CTNND2: variants seen among roughly 807,000 people sequenced by gnomAD.
The protein encoded by CTNND2 is catenin delta-2.
CTNND2 carries 22 observed loss-of-function variants against 144.4 expected under a neutral mutation model. The ratio of observed to expected loss-of-function variants is 0.15; its 90% CI spans 0.11 to 0.22. The LOEUF (loss-of-function observed/expected upper bound fraction) is 0.22, where lower values mean the gene tolerates loss of function less well. Ranked by LOEUF, CTNND2 falls within the 10% of genes least tolerant of loss-of-function variation. The probability of loss-of-function intolerance (pLI) is 1.00; values close to 1 mark genes in which losing one functional copy is unlikely to be tolerated. For missense variants in CTNND2, 1,353 were observed against 1,618.8 expected (o/e 0.84, Z 2.82); for synonymous variants, 751 against 695.6 (o/e 1.08, Z -1.25).
intron 2 of CTNND2, among the ~76,000 whole-genome samples, chr5:11,619,563 C>CA (rs1780738450): frequency 1.3e-5 from 2 of 152,110 alleles, no homozygotes; most frequent in Non-Finnish European, 2.9e-5. Context: ...ACAGGAGTCT[C>CA]TGTTGATCAG....
intron 3 of CTNND2, among the ~76,000 whole-genome samples, chr5:11,542,435 G>C (rs13186510): frequency 0.15 from 22,267 of 152,044 alleles, 2,019 homozygotes; most frequent in East Asian, 0.28. Context: ...GATGACTAGA[G>C]CAGCCAACAT....
At chr5:11,648,743 G>A (rs1279680849) in intron 2 of CTNND2, among the ~76,000 whole-genome samples, 1 of 152,068 alleles carries the variant, frequency 6.6e-6, no homozygotes, top group Non-Finnish European at 1.5e-5. Flanking sequence ...AGAGCCAGCT[G>A]CCTAGATCCA....
chr5:11,086,114 C>T (rs549463461), intron 15 of CTNND2, among the ~76,000 whole-genome samples: 20 of 152,140 alleles, frequency 1.3e-4, no homozygotes, highest in Admixed American at 1.0e-3. Flanking sequence ...CCCAGGGCTG[C>T]AGAGGGGTTA....
At chr5:11,301,629 A>T (rs1317811242) in intron 9 of CTNND2, among the ~76,000 whole-genome samples, 1 of 152,194 alleles carries the variant, frequency 6.6e-6, no homozygotes, top group Admixed American at 6.5e-5. Context: ...GAGAGAAGAA[A>T]TTACATTTTA....
At chr5:11,514,870 G>A (rs1259395415) in intron 3 of CTNND2, among the ~76,000 whole-genome samples, 2 of 152,062 alleles carry the variant, frequency 1.3e-5, no homozygotes, top group Non-Finnish European at 1.5e-5. Flanking sequence ...TGGTGCGATC[G>A]TGGCTCACTG....
At chr5:11,433,005 G>A (rs1382516210) in intron 3 of CTNND2, among the ~76,000 whole-genome samples, 1 of 152,212 alleles carries the variant, frequency 6.6e-6, no homozygotes, top group South Asian at 2.1e-4. Context: ...AGCACTTTGG[G>A]AGGCCAAGGC....
chr5:11,698,969 CTAT>C (rs1315374909), intron 2 of CTNND2, among the ~76,000 whole-genome samples: 1 of 149,680 alleles, frequency 6.7e-6, no homozygotes, highest in Non-Finnish European at 1.5e-5. Flanking sequence ...TTATTTTGTG[CTAT>C]TATTAAAACA....
chr5:11,513,494 C>T (rs550832551), intron 3 of CTNND2, among the ~76,000 whole-genome samples: 72 of 152,290 alleles, frequency 4.7e-4, no homozygotes, highest in South Asian at 3.9e-3. Flanking sequence ...CAGGTTCCTA[C>T]GCTCACCTAC....
In CTNND2 at chr5:11,568,318, G is replaced by A. The variant is rs1320463341; in HGVS notation, c.175-3262C>T. Among the ~76,000 whole-genome samples the A allele has an allele frequency of 2.0e-5, 3 of 152,280 alleles. No individual in the cohort carries two copies. The South Asian group carries it at 6.2e-4, about 32-fold the overall frequency. The stretch of plus-strand genomic sequence containing the variant: ...GACTCTCAGCACTGTCTTAACTACT[G>A]AGACCCTGCTAGGCTTCCTCCTTTC... On this transcript the variant is annotated intron_variant, in intron 2 of 21. Transcript: ENST00000304623.
At chr5:11,322,484 C>T (rs1752132442) in intron 9 of CTNND2, among the ~76,000 whole-genome samples, 1 of 152,206 alleles carries the variant, frequency 6.6e-6, no homozygotes, top group African/African-American at 2.4e-5. Context: ...TATAAATGCA[C>T]TATCCCACAC....
At chr5:11,336,562 T>C (rs32136) in intron 9 of CTNND2, among the ~76,000 whole-genome samples, 41,061 of 152,160 alleles carry the variant, frequency 0.27, 5,933 homozygotes, top group Admixed American at 0.35. Context: ...GTGCCCTTTG[T>C]AGCATTAACA....
intron 1 of CTNND2, among the ~76,000 whole-genome samples, chr5:11,737,978 T>C (rs1443146931): frequency 6.6e-6 from 1 of 152,228 alleles, no homozygotes; most frequent in South Asian, 2.1e-4. Context: ...GTCTGTAGTA[T>C]TGTGCTATGG....
chr5:11,335,189 C>T (rs1318526957), intron 9 of CTNND2, among the ~76,000 whole-genome samples: 4 of 152,164 alleles, frequency 2.6e-5, no homozygotes, highest in Non-Finnish European at 5.9e-5. Flanking sequence ...TTGAAATGCA[C>T]CATGAGCAAT....
chr5:11,159,453 C>A, intron 12 of CTNND2, 123 bp downstream of exon 12: 1 of 759,656 alleles, frequency 1.3e-6, no homozygotes, highest in Non-Finnish European at 2.1e-6. Context: ...TCCGTTGCCA[C>A]ATCAACATTC....
intron 10 of CTNND2, among the ~76,000 whole-genome samples, chr5:11,202,289 G>A (rs1737527483): frequency 6.6e-6 from 1 of 151,862 alleles, no homozygotes; most frequent in Non-Finnish European, 1.5e-5. Context: ...TATTAAAAGG[G>A]AAAATGAATT....
intron 2 of CTNND2, among the ~76,000 whole-genome samples, chr5:11,580,814 G>A (rs908691927): frequency 6.6e-6 from 1 of 152,142 alleles, no homozygotes; most frequent in Admixed American, 6.5e-5. Context: ...CAAAGCGTGA[G>A]ACTGACTTTT....
At chr5:11,758,172 G>T (rs554608167) in intron 1 of CTNND2, among the ~76,000 whole-genome samples, 1 of 151,830 alleles carries the variant, frequency 6.6e-6, no homozygotes, top group Non-Finnish European at 1.5e-5. Flanking sequence ...AAATCCTGAA[G>T]ATGCCATCTT....
In CTNND2 at chr5:11,054,857, G is replaced by A. The variant is rs116983969; in HGVS notation, c.2788+27839C>T. Among the ~76,000 whole-genome samples the A allele has an allele frequency of 5.3e-5, 8 of 152,170 alleles. No homozygotes were observed. The East Asian group carries it at 1.5e-3, about 29-fold the overall frequency. The stretch of plus-strand genomic sequence containing the variant: ...AGTTCCACGCTTGTGTTTATATAAA[G>A]AGCCTTTACATTTCCATCCTCTCCT... On this transcript the variant is annotated intron_variant, in intron 16 of 21. Transcript: ENST00000304623.
chr5:11,113,215 C>T (rs1753184838), intron 13 of CTNND2, among the ~76,000 whole-genome samples: 1 of 152,132 alleles, frequency 6.6e-6, no homozygotes, highest in Admixed American at 6.6e-5. Context: ...TTAATAAGCT[C>T]ACAGATACAG....
Sources: allele counts gnomAD v4.1 joint callset (sites outside exome capture counted in the v4.1 genomes callset), GRCh38; gene constraint gnomAD v4.1.1; transcripts MANE v1.5; gene names NCBI Gene and HGNC (gene_info 2026-07-23, HGNC 2026-07-21).